Variants in RAB5A observed in about 807,000 individuals in gnomAD.
RAB5A encodes RAB5A, member RAS oncogene family.
Under a neutral mutation model 25.7 loss-of-function variants are expected in RAB5A, and 8 were observed. The observed-to-expected ratio is 0.31, with a 90% confidence interval of 0.18 to 0.56. The LOEUF (loss-of-function observed/expected upper bound fraction) is 0.56, where lower values mean the gene tolerates loss of function less well. RAB5A is among the 20% of genes least tolerant of loss of function. The pLI, the probability that RAB5A is intolerant of heterozygous loss-of-function variation, is 0.91. For missense variants in RAB5A, 192 were observed against 259.7 expected (o/e 0.74, Z 1.79); for synonymous variants, 98 against 89.8 (o/e 1.09, Z -0.52).
intron 5 of RAB5A, 86 bp downstream of exon 5, chr3:19,978,489 A>G: frequency 1.1e-6 from 1 of 949,468 alleles, no homozygotes; most frequent in Non-Finnish European, 1.7e-6. Flanking sequence ...TTTTTAAAAA[A>G]TTTTTGGGGG....
chr3:19,979,053 T>C (rs1696873198), intron 5 of RAB5A, among the ~76,000 whole-genome samples: 1 of 152,022 alleles, frequency 6.6e-6, no homozygotes, highest in South Asian at 2.1e-4. Flanking sequence ...CTCAGCTCAC[T>C]GCAACCTCCA....
chr3:19,978,366 A>T lies in RAB5A; in HGVS notation c.495A>T (p.Lys165Asn). 6.2e-7 allele frequency: 1 copy of T among 1,607,386 alleles called. No homozygotes were observed. Among genetic ancestry groups the T allele is most frequent in the Non-Finnish European group, 8.5e-7 (1 of 1,174,170 alleles). The change falls in exon 5 of 6, where the codon AAA becomes AAT. Residue 165 changes from lysine (K) to asparagine (N), a missense_variant. By Grantham distance (94) the Lys-to-Asn change is moderately conservative. Transcript: ENST00000273047. ...NSLLFMETSA[K>N]TSMNVNEIFM... ...TATTATTCATGGAGACATCCGCTAA[A>T]ACATCAATGAATGTAAATGAAATAT...
At chr3:19,953,583 T>C (rs1696456848) in intron 2 of RAB5A, among the ~76,000 whole-genome samples, 1 of 152,054 alleles carries the variant, frequency 6.6e-6, no homozygotes, top group Non-Finnish European at 1.5e-5. Flanking sequence ...AATTTTTGTA[T>C]TTTTAGTAGA....
chr3:19,965,896 T>G (rs1575072062), intron 2 of RAB5A, among the ~76,000 whole-genome samples: 1 of 151,740 alleles, frequency 6.6e-6, no homozygotes. Flanking sequence ...CCACACCTGT[T>G]TTGTATTTTT....
At chr3:19,958,569 TGTG>T (rs754428968) in intron 2 of RAB5A, among the ~76,000 whole-genome samples, 1 of 152,204 alleles carries the variant, frequency 6.6e-6, no homozygotes, top group Middle Eastern at 3.4e-3. Context: ...GTAGGCCAGG[TGTG>T]GTGGCTCACG....
At chr3:19,973,148 G>T (rs755242565) in intron 2 of RAB5A, among the ~76,000 whole-genome samples, 1 of 151,962 alleles carries the variant, frequency 6.6e-6, no homozygotes, top group South Asian at 2.1e-4. Context: ...ATTTTATATC[G>T]GGGACTTGAG....
intron 2 of RAB5A, among the ~76,000 whole-genome samples, chr3:19,966,019 C>T (rs562254645): frequency 2.6e-5 from 4 of 152,300 alleles, no homozygotes; most frequent in South Asian, 2.1e-4. Context: ...TGAACCACTG[C>T]GCCTTACCCA....
At chr3:19,970,826 A>G in intron 2 of RAB5A, 2 of 304,326 alleles carry the variant, frequency 6.6e-6, no homozygotes, top group South Asian at 2.7e-5. Context: ...ATGTATTTTT[A>G]GGAGCACTGA....
intron 3 of RAB5A, 135 bp from the exon 4 acceptor site, chr3:19,975,912 T>C (rs2125191636): frequency 7.4e-7 from 1 of 1,353,314 alleles, no homozygotes; most frequent in East Asian, 2.4e-5. Flanking sequence ...AAAACGAAAA[T>C]GTCTCATAAT....
intron 2 of RAB5A, among the ~76,000 whole-genome samples, chr3:19,959,450 A>C (rs1015624445): frequency 6.6e-6 from 1 of 151,582 alleles, no homozygotes; most frequent in East Asian, 1.9e-4. Context: ...TAATTTATAT[A>C]TATATATATG....
At chr3:19,979,402 G>C (rs1374915674) in intron 5 of RAB5A, among the ~76,000 whole-genome samples, 2 of 151,436 alleles carry the variant, frequency 1.3e-5, no homozygotes, top group Non-Finnish European at 2.9e-5. Context: ...TCCTGCCTCA[G>C]CCTCTCCTGT....
intron 4 of RAB5A, among the ~76,000 whole-genome samples, chr3:19,977,174 G>T (rs558861690): frequency 6.7e-6 from 1 of 149,182 alleles, no homozygotes; most frequent in Admixed American, 6.8e-5. Flanking sequence ...CTGGGCTTAC[G>T]CCATTCTGCT....
chr3:19,951,454 C>G lies in RAB5A; in HGVS notation c.163+393C>G, dbSNP rs183649860. On this transcript the variant is annotated intron_variant, in intron 2 of 5. Transcript: ENST00000273047. ...AAAAAAGGTAACCTTAAATTCTGAT[C>G]TATATAACTGAAGTATTTGCAAATA... Among the ~76,000 whole-genome samples, 271 of 152,264 alleles carry G rather than the reference C, an allele frequency of 1.8e-3. 1 individual carries two copies. Among genetic ancestry groups the G allele is most frequent in the African/African-American group, 6.2e-3 (256 of 41,570 alleles).
intron 2 of RAB5A, among the ~76,000 whole-genome samples, chr3:19,971,054 A>T (rs1696742294): frequency 6.6e-6 from 1 of 151,950 alleles, no homozygotes; most frequent in African/African-American, 2.4e-5. Context: ...AAAATTAGCC[A>T]GACGTGGTGG....
intron 2 of RAB5A, among the ~76,000 whole-genome samples, chr3:19,967,703 T>G (rs1448610506): frequency 3.3e-5 from 5 of 152,216 alleles, no homozygotes; most frequent in Non-Finnish European, 1.5e-5. Flanking sequence ...ACTCACAGTG[T>G]GTATGCTTTA....
chr3:19,980,047 C>T lies in RAB5A; in HGVS notation c.532+1644C>T, dbSNP rs867499496. 5.3e-5 allele frequency: 8 copies of T among 152,308 alleles called. No homozygotes were observed. In the South Asian group the frequency reaches 1.7e-3, roughly 32 times the overall value. 9.4% of individuals were successfully genotyped at this position (152,308 alleles called of 1,614,324 possible). A position where few individuals can be genotyped will look rare whatever the true frequency, so the allele number is the denominator to read the frequency against. ...CGAAATGGGAAAGAACTTGCCTTTTCTCATGTAAACTGTTTTCCTGAAAAA... is the reference window on the plus strand; with the variant it reads ...CGAAATGGGAAAGAACTTGCCTTTTTTCATGTAAACTGTTTTCCTGAAAAA... On this transcript the variant is annotated intron_variant, in intron 5 of 5. Transcript: ENST00000273047.
chr3:19,958,309 G>T (rs1296725225), intron 2 of RAB5A, among the ~76,000 whole-genome samples: 1 of 152,146 alleles, frequency 6.6e-6, no homozygotes, highest in Admixed American at 6.6e-5. Flanking sequence ...TTGAGAGGTT[G>T]TTACCCAGAG....
chr3:19,948,697 A>AG (rs1696373138), intron 1 of RAB5A, among the ~76,000 whole-genome samples: 1 of 152,066 alleles, frequency 6.6e-6, no homozygotes, highest in South Asian at 2.1e-4. Flanking sequence ...GCCACAATTA[A>AG]GTAGCTTTAA....
intron 2 of RAB5A, among the ~76,000 whole-genome samples, chr3:19,959,097 A>G (rs1466421875): frequency 6.6e-6 from 1 of 152,170 alleles, no homozygotes; most frequent in East Asian, 1.9e-4. Context: ...TGCCGTGCTT[A>G]ATGTGTTGAT....
Sources: allele counts gnomAD v4.1 joint callset (sites outside exome capture counted in the v4.1 genomes callset), GRCh38; gene constraint gnomAD v4.1.1; transcripts MANE v1.5; gene names NCBI Gene and HGNC (gene_info 2026-07-23, HGNC 2026-07-21).